RMND5A: variants seen among roughly 807,000 people sequenced by gnomAD.
The protein encoded by RMND5A is E3 ubiquitin-protein transferase RMND5A.
RMND5A carries 17 observed loss-of-function variants against 49.7 expected under a neutral mutation model. That is an observed-to-expected ratio of 0.34 (90% CI 0.23 to 0.51). RMND5A has a LOEUF of 0.51. RMND5A is among the 20% of genes least tolerant of loss of function. RMND5A has a pLI of 0.96. For missense variants in RMND5A, 255 were observed against 471.3 expected (o/e 0.54, Z 4.25); for synonymous variants, 156 against 167.7 (o/e 0.93, Z 0.54).
intron 7 of RMND5A, 94 bp downstream of exon 7, chr2:86,770,219 TTG>T: frequency 2.2e-6 from 2 of 891,322 alleles, no homozygotes; most frequent in Admixed American, 1.9e-5. Context: ...CCAGGAAACA[TTG>T]TAGCCATTTG....
At chr2:86,762,383 G>A (rs545082975) in intron 4 of RMND5A, among the ~76,000 whole-genome samples, 73 of 152,130 alleles carry the variant, frequency 4.8e-4, no homozygotes, top group African/African-American at 1.6e-3. Flanking sequence ...GGTGGCTCAC[G>A]CCTGTAATCC....
chr2:86,772,754 T>C (rs1672704935), intron 8 of RMND5A, among the ~76,000 whole-genome samples: 1 of 151,996 alleles, frequency 6.6e-6, no homozygotes, highest in South Asian at 2.1e-4. Context: ...ACCACCACAC[T>C]TGGCTGATTT....
At chr2:86,763,434 G>A (rs1672539980) in intron 4 of RMND5A, among the ~76,000 whole-genome samples, 1 of 152,154 alleles carries the variant, frequency 6.6e-6, no homozygotes, top group Non-Finnish European at 1.5e-5. Context: ...GCACAGTGCT[G>A]TTGGTACTGT....
At chr2:86,766,557 G>A (rs1370069857) in intron 6 of RMND5A, among the ~76,000 whole-genome samples, 1 of 151,418 alleles carries the variant, frequency 6.6e-6, no homozygotes, top group Non-Finnish European at 1.5e-5. Context: ...CCAGCTAGTC[G>A]GGAAGCCGAG....
In RMND5A at chr2:86,753,464, G is replaced by T. The variant is rs757829694; in HGVS notation, c.427G>T (p.Gly143Cys). 6.9e-6 allele frequency: 11 copies of T among 1,592,102 alleles called. No individual in the cohort carries two copies. The highest frequency in any genetic ancestry group is 9.5e-6 in the Non-Finnish European group (11 of 1,163,334). The change falls in exon 4 of 9, where the codon GGT becomes TGT. Residue 143 changes from glycine to cysteine, a missense_variant. Transcript: ENST00000283632. ...TCTTTCTTTCTTTTTCCAGGAATCT[G>T]GTCTTTCTGTAGACCCAAGTCAGAA... ...DVAEELCQES[G>C]LSVDPSQKEP...
intron 4 of RMND5A, among the ~76,000 whole-genome samples, chr2:86,763,816 G>A (rs554959384): frequency 6.6e-6 from 1 of 151,970 alleles, no homozygotes; most frequent in East Asian, 1.9e-4. Context: ...AGGTTTACCT[G>A]ACTTGGTGTT....
intron 1 of RMND5A, among the ~76,000 whole-genome samples, chr2:86,723,895 T>C (rs1681257495): frequency 6.6e-6 from 1 of 151,020 alleles, no homozygotes; most frequent in South Asian, 2.1e-4. Flanking sequence ...CTAAATCACC[T>C]TTAAGTAGCT....
At chr2:86,764,611 T>C (rs1206686069) in intron 4 of RMND5A, among the ~76,000 whole-genome samples, 3 of 152,262 alleles carry the variant, frequency 2.0e-5, no homozygotes, top group Non-Finnish European at 4.4e-5. Flanking sequence ...CTTGCAACTA[T>C]TGAAAGTTTA....
At chr2:86,721,177 G>A in intron 1 of RMND5A, 1 of 233,950 alleles carries the variant, frequency 4.3e-6, no homozygotes, top group South Asian at 5.6e-5. Flanking sequence ...CGTGGTGCCC[G>A]CGGCGCTGTT....
At chr2:86,756,313 A>G (rs573300024) in intron 4 of RMND5A, among the ~76,000 whole-genome samples, 24 of 152,288 alleles carry the variant, frequency 1.6e-4, no homozygotes, top group African/African-American at 5.1e-4. Flanking sequence ...GGATCACTTG[A>G]GCCCAGGAGG....
At chr2:86,767,227 C>CT (rs752848724) in intron 6 of RMND5A, among the ~76,000 whole-genome samples, 2 of 152,074 alleles carry the variant, frequency 1.3e-5, no homozygotes, top group Non-Finnish European at 2.9e-5. Flanking sequence ...CCACGCCCAG[C>CT]TAATTTTTGT....
At chr2:86,747,804 G>A (rs892432191) in intron 2 of RMND5A, among the ~76,000 whole-genome samples, 4 of 152,078 alleles carry the variant, frequency 2.6e-5, no homozygotes, top group Non-Finnish European at 5.9e-5. Context: ...TTCATGATAC[G>A]GCATGATACG....
intron 4 of RMND5A, among the ~76,000 whole-genome samples, chr2:86,759,282 A>C (rs1279521173): frequency 6.6e-6 from 1 of 152,168 alleles, no homozygotes; most frequent in Non-Finnish European, 1.5e-5. Context: ...AAGTCTTTTC[A>C]CAGGCCTGAC....
chr2:86,773,392 C>G lies in RMND5A; in HGVS notation c.1157C>G (p.Ala386Gly), dbSNP rs777513911. Residue 386 changes from alanine (A) to glycine (G), a missense_variant, in exon 9 of 9, where the codon GCC (alanine) becomes GGC (glycine). Ala to Gly is a moderately conservative substitution (Grantham distance 60, BLOSUM62 0). Coordinates refer to ENST00000283632, the MANE Select transcript of RMND5A (RefSeq NM_022780.4). ...CCAATGGAACAAAGTCCAGGAGATG[C>G]CAAACAGATATTTTTCTGAAGAGAT... ...YCPMEQSPGDAKQIFF is the reference protein window; with the variant it reads ...YCPMEQSPGDGKQIFF The G allele has an allele frequency of 6.2e-7, 1 of 1,606,032 alleles. No homozygotes were observed. Among genetic ancestry groups the G allele is most frequent in the South Asian group, 1.1e-5 (1 of 90,798 alleles).
intron 1 of RMND5A, among the ~76,000 whole-genome samples, chr2:86,735,051 A>G (rs1681392220): frequency 6.7e-6 from 1 of 148,558 alleles, no homozygotes; most frequent in African/African-American, 2.6e-5. Flanking sequence ...AATATTTTCA[A>G]GGTTCATCTG....
chr2:86,765,168 G>A lies in RMND5A; in HGVS notation c.663G>A (p.Gln221=). 1 of 1,612,744 alleles carries A rather than the reference G, an allele frequency of 6.2e-7. No individual in the cohort carries two copies. Among genetic ancestry groups the A allele is most frequent in the Non-Finnish European group, 8.5e-7 (1 of 1,179,682 alleles). The part of the protein sequence containing the change: ...REALQYAKNF[Q]PFALNHQKDI... Reference sequence around the variant, plus strand: ...CATTACAATATGCTAAAAATTTTCAGCCATTTGCCCTAAATCATCAAAAAG... The same window carrying A: ...CATTACAATATGCTAAAAATTTTCAACCATTTGCCCTAAATCATCAAAAAG... Residue 221 remains glutamine, a synonymous_variant, in exon 5 of 9, where the codon CAG becomes CAA. Transcript: ENST00000283632.
chr2:86,766,011 C>T lies in RMND5A; in HGVS notation c.841C>T (p.Pro281Ser). ...CALLGLSVES[P>S]LSVSFSAGCV... ...CCTCCTGGGGCTCTCCGTGGAGTCC[C>T]CTCTCAGTGTCAGGTATGGAAATTA... The change falls in exon 6 of 9, where the codon CCT (proline) becomes TCT (serine). Residue 281 changes from proline to serine, a missense_variant. By Grantham distance (74) the Pro-to-Ser change is moderately conservative. Transcript: ENST00000283632. 1 of 1,613,508 alleles carries T rather than the reference C, an allele frequency of 6.2e-7. No homozygotes were observed. Among genetic ancestry groups the T allele is most frequent in the South Asian group, 1.1e-5 (1 of 90,976 alleles).
At chr2:86,734,013 G>T (rs2104386535) in intron 1 of RMND5A, among the ~76,000 whole-genome samples, 1 of 150,170 alleles carries the variant, frequency 6.7e-6, no homozygotes, top group South Asian at 2.1e-4. Flanking sequence ...TTGACTGTCA[G>T]TCTGGTCATT....
In RMND5A at chr2:86,726,177, C is replaced by G. The variant is rs1331047543; in HGVS notation, c.142+5368C>G. Among the ~76,000 whole-genome samples the G allele has an allele frequency of 6.9e-5, 5 of 71,966 alleles. 2 individuals carry two copies. The highest frequency in any genetic ancestry group is 1.4e-4 in the Non-Finnish European group (5 of 36,902). 47.2% of individuals were successfully genotyped at this position (71,966 alleles called of 152,430 possible). A position where few individuals can be genotyped will look rare whatever the true frequency, so the allele number is the denominator to read the frequency against. ...CGCATGTTAGGTATAATCTTCCAAT[C>G]TAGAATTTGGGTTGTGTATATTAAA... On this transcript the variant is annotated intron_variant, in intron 1 of 8. Coordinates refer to ENST00000283632, the MANE Select transcript of RMND5A (RefSeq NM_022780.4).
Sources: allele counts gnomAD v4.1 joint callset (sites outside exome capture counted in the v4.1 genomes callset), GRCh38; gene constraint gnomAD v4.1.1; transcripts MANE v1.5; gene names NCBI Gene and HGNC (gene_info 2026-07-23, HGNC 2026-07-21).